CA6: variants seen among roughly 807,000 people sequenced by gnomAD.
CA6 encodes the protein carbonic anhydrase 6, also known as carbonate dehydratase VI.
In CA6, 28 loss-of-function variants were observed where a neutral mutation model predicts 35.9. The observed-to-expected ratio is 0.78, with a 90% CI of 0.58 to 1.07. CA6 has a LOEUF of 1.07. Among genes scored for constraint, CA6 ranks in the 50% least tolerant of loss-of-function variants. The pLI is 0.00. For synonymous variants in CA6, 148 were observed against 152.6 expected (o/e 0.97, Z 0.22); for missense variants, 377 against 382.0 (o/e 0.99, Z 0.11).
rs184141043 is a variant in CA6 at position 8,963,349 on chromosome 1, C to T, written c.571+693C>T. Among the ~76,000 whole-genome samples, 37 of 152,148 alleles carry T rather than the reference C, an allele frequency of 2.4e-4. No homozygotes were observed. In the East Asian group the frequency reaches 6.4e-3, roughly 26 times the overall value. On this transcript the variant is annotated intron_variant, in intron 5 of 7. Transcript: ENST00000377443. The surrounding 1 kb of genome is among the most constrained non-coding windows in gnomAD (Gnocchi z 4.1). ...CTCTCTCCCAGCTTAGATTCCACCC[C>T]GATACTCTCAAGTCTCCCTCAACAC...
At chr1:8,964,074 G>T (rs1032681380) in intron 5 of CA6, among the ~76,000 whole-genome samples, 1 of 152,078 alleles carries the variant, frequency 6.6e-6, no homozygotes, top group Non-Finnish European at 1.5e-5. Flanking sequence ...CTTAACCCAC[G>T]TGCATCTGGA....
rs1639454294 is a variant in CA6, at chr1:8,949,283, C to T, written c.100C>T (p.His34Tyr). Residue 34 changes from histidine to tyrosine, a missense_variant, in exon 2 of 8, where the codon CAC (histidine) becomes TAC (tyrosine). His to Tyr is a moderately conservative substitution (Grantham distance 83). Coordinates refer to ENST00000377443, the MANE Select transcript of CA6 (RefSeq NM_001215.4). ...TYSEGALDEA[H>Y]WPQHYPACGG... is the part of the protein sequence containing the mutation. ...CTTAGAAGGGGCACTGGACGAAGCG[C>T]ACTGGCCACAGCACTACCCCGCCTG... The T allele has an allele frequency of 6.2e-7, 1 of 1,606,900 alleles. No individual in the cohort carries two copies. Among genetic ancestry groups the T allele is most frequent in the East Asian group, 2.2e-5 (1 of 44,476 alleles).
chr1:8,946,261 C>T (rs969652855), intron 1 of CA6, among the ~76,000 whole-genome samples: 2 of 152,068 alleles, frequency 1.3e-5, no homozygotes, highest in African/African-American at 4.8e-5. Context: ...TGGTCTCGAA[C>T]TCCTGACCTT....
In CA6 at chr1:8,949,163, C is replaced by T. The variant is rs554245317; in HGVS notation, c.80-100C>T. 11 of 903,290 alleles carry T rather than the reference C, an allele frequency of 1.2e-5. No homozygotes were observed. The African/African-American group carries it at 2.0e-4, about 16-fold the overall frequency. 56.0% of individuals were successfully genotyped at this position (903,290 alleles called of 1,614,324 possible). On this transcript the variant is annotated intron_variant, in intron 1 of 7. Coordinates refer to ENST00000377443, the MANE Select transcript of CA6 (RefSeq NM_001215.4). ...TTTCTGGAAGGTGCCTCCGTGGGTC[C>T]CCGCCCAGCAGGCCCTGGCCTCTGG...
In CA6 at chr1:8,957,463, C is replaced by G. The variant is rs926635854; in HGVS notation, c.408+178C>G. 3.3e-5 allele frequency among the ~76,000 whole-genome samples: 5 copies of G among 152,280 alleles called. No individual in the cohort carries two copies. The East Asian group carries it at 9.7e-4, about 30-fold the overall frequency. On this transcript the variant is annotated intron_variant, in intron 3 of 7. Coordinates refer to ENST00000377443, the MANE Select transcript of CA6 (RefSeq NM_001215.4). ...TCAAGCAATTCTCCTGCCTTAGTCTCCCGAGTAAATGGGATTACAGGCACC... is the reference window on the plus strand; with the variant it reads ...TCAAGCAATTCTCCTGCCTTAGTCTGCCGAGTAAATGGGATTACAGGCACC...
In CA6 at chr1:8,958,953, T is replaced by A; in HGVS notation, c.452T>A (p.Ile151Lys). The change falls in exon 4 of 8, where the codon ATA (isoleucine) becomes AAA (lysine). Residue 151 changes from isoleucine (I) to lysine (K), a missense_variant. Ile to Lys is a moderately radical substitution (Grantham distance 102). Transcript: ENST00000377443. ...HYNSKYKSYD[I>K]AQDAPDGLAV... is the part of the protein sequence containing the mutation. ...AATTCTAAATACAAGAGCTATGATA[T>A]AGCCCAAGATGCGCCGGATGGTTTG... 1 of 1,613,184 alleles carries A rather than the reference T, an allele frequency of 6.2e-7. No individual in the cohort carries two copies. The highest frequency in any genetic ancestry group is 8.5e-7 in the Non-Finnish European group (1 of 1,179,254).
chr1:8,959,904 C>G (rs1384015466), intron 4 of CA6, among the ~76,000 whole-genome samples: 1 of 119,288 alleles, frequency 8.4e-6, no homozygotes, highest in Non-Finnish European at 1.6e-5. Context: ...TGCACTCCAG[C>G]GTGGGCAATA....
rs746626147 is a variant in CA6 at position 8,962,670 on chromosome 1, A to G, written c.571+14A>G. On this transcript the variant is annotated intron_variant, in intron 5 of 7. Coordinates refer to ENST00000377443, the MANE Select transcript of CA6 (RefSeq NM_001215.4). ...TCAAGTACCCAGGTAAGGGAAGCCA[A>G]CTGTGGCTGCAGGAGGGAAGGGGAA... is the stretch of plus-strand genomic sequence containing the variant. 2.7e-5 allele frequency: 44 copies of G among 1,608,672 alleles called. No homozygotes were observed. The highest frequency in any genetic ancestry group is 2.6e-4 in the South Asian group (24 of 90,960).
intron 6 of CA6, among the ~76,000 whole-genome samples, chr1:8,968,874 A>C (rs995381338): frequency 2.0e-5 from 3 of 150,402 alleles, no homozygotes; most frequent in African/African-American, 7.3e-5. Context: ...AAAATTAGCC[A>C]GTCGTGGTGG....
chr1:8,957,342 TTTTA>T (rs921217677), intron 3 of CA6, 57 bp downstream of exon 3: 40 of 1,502,246 alleles, frequency 2.7e-5, no homozygotes, highest in African/African-American at 1.1e-4. Flanking sequence ...TCACTTTTCT[TTTTA>T]TTTATTTATT....
intron 6 of CA6, among the ~76,000 whole-genome samples, chr1:8,970,632 C>T (rs921697784): frequency 6.6e-6 from 1 of 152,074 alleles, no homozygotes; most frequent in African/African-American, 2.4e-5. Context: ...CCTCAGCCTC[C>T]TGAGTAGCTG....
At chr1:8,970,587 C>T (rs1032860089) in intron 6 of CA6, among the ~76,000 whole-genome samples, 1 of 152,024 alleles carries the variant, frequency 6.6e-6, no homozygotes, top group South Asian at 2.1e-4. Context: ...TGGCTTACTG[C>T]AGCCTCTGCC....
chr1:8,946,081 A>G, intron 1 of CA6, 116 bp downstream of exon 1: 1 of 679,364 alleles, frequency 1.5e-6, no homozygotes, highest in Non-Finnish European at 2.5e-6. Flanking sequence ...TCTGTTGCCC[A>G]GGCTTGAGTA....
At chr1:8,967,199 G>A (rs978609618) in intron 5 of CA6, among the ~76,000 whole-genome samples, 25 of 151,984 alleles carry the variant, frequency 1.6e-4, no homozygotes, top group Non-Finnish European at 3.5e-4. Context: ...TTCTTCAAGG[G>A]CACTTACCCA....
intron 2 of CA6, among the ~76,000 whole-genome samples, chr1:8,951,059 C>G (rs184854300): frequency 6.7e-6 from 1 of 150,336 alleles, no homozygotes. Context: ...CTACTAAAAA[C>G]ACAAAAATTG....
chr1:8,946,098 T>C, intron 1 of CA6, 133 bp downstream of exon 1: 1 of 621,206 alleles, frequency 1.6e-6, no homozygotes, highest in East Asian at 2.8e-5. Flanking sequence ...AGTACAGTAG[T>C]GTGATGTTGG....
intron 1 of CA6, among the ~76,000 whole-genome samples, 197 bp downstream of exon 1, chr1:8,946,162 C>T (rs552986295): frequency 3.9e-5 from 6 of 152,190 alleles, no homozygotes; most frequent in Non-Finnish European, 7.4e-5. Flanking sequence ...CTTAGCCTCC[C>T]GAGTACCTGG....
chr1:8,948,886 C>T (rs1035947212), intron 1 of CA6, among the ~76,000 whole-genome samples: 1 of 151,624 alleles, frequency 6.6e-6, no homozygotes, highest in Admixed American at 6.6e-5. Flanking sequence ...CGGATAATCT[C>T]TTGAATCTGG....
chr1:8,972,654 G>T (rs1640140410), intron 7 of CA6, among the ~76,000 whole-genome samples: 1 of 152,068 alleles, frequency 6.6e-6, no homozygotes. Context: ...CTGCACTCCA[G>T]CCTGGGCGAC....
Sources: gnomAD v4.1 joint callset for allele counts (sites outside exome capture counted in the v4.1 genomes callset) on GRCh38, gnomAD v4.1.1 for gene constraint, Gnocchi (gnomAD v3.1) non-coding constraint, MANE v1.5 for transcripts, NCBI Gene and HGNC (gene_info 2026-07-23, HGNC 2026-07-21) for gene names.